The following SUGCT variants were observed in gnomAD, a reference collection of about 807,000 sequenced individuals.
SUGCT encodes the protein succinyl-CoA:glutarate CoA-transferase.
A neutral mutation model predicts 55.0 loss-of-function variants in SUGCT; 41 were observed. That is an observed-to-expected ratio of 0.74 (90% CI 0.58 to 0.97). The LOEUF is 0.97. Ranked by LOEUF, SUGCT falls within the 50% of genes least tolerant of loss-of-function variation. The probability of loss-of-function intolerance (pLI) is 0.00; values close to 1 mark genes in which losing one functional copy is unlikely to be tolerated. For synonymous variants in SUGCT, 187 were observed against 200.4 expected (o/e 0.93, Z 0.56); for missense variants, 568 against 547.8 (o/e 1.04, Z -0.37).
At chr7:41,017,914 T>C in the SUGCT span, among the ~76,000 whole-genome samples, 1 of 151,744 alleles carries the variant, frequency 6.6e-6, no homozygotes, top group African/African-American at 2.4e-5. Context: ...CCACCCAGAA[T>C]TGCATTAATT....
intron 8 of SUGCT, among the ~76,000 whole-genome samples, chr7:40,283,385 T>C (rs956994063): frequency 5.9e-5 from 9 of 152,042 alleles, no homozygotes; most frequent in African/African-American, 1.9e-4. Context: ...CGGGCCACCA[T>C]GCCCAGCTAA....
At chr7:40,289,237 AAG>A (rs1207642550) in intron 8 of SUGCT, among the ~76,000 whole-genome samples, 1 of 152,152 alleles carries the variant, frequency 6.6e-6, no homozygotes, top group Non-Finnish European at 1.5e-5. Flanking sequence ...AGGTTCTTGT[AAG>A]AGAGAGGCGA....
At chr7:40,167,826 A>C (rs1408415120) in intron 1 of SUGCT, among the ~76,000 whole-genome samples, 1 of 152,180 alleles carries the variant, frequency 6.6e-6, no homozygotes, top group Non-Finnish European at 1.5e-5. Flanking sequence ...CGACAGCAGC[A>C]AACAGCAGTG....
At chr7:40,538,339 G>A (rs2151611119) in intron 12 of SUGCT, 1 of 152,254 alleles carries the variant, frequency 6.6e-6, no homozygotes, top group East Asian at 1.9e-4. Flanking sequence ...GATTGTCACT[G>A]AATAGGAAAT....
At chr7:40,750,266 A>T (rs1787943411) in intron 13 of SUGCT, among the ~76,000 whole-genome samples, 1 of 152,242 alleles carries the variant, frequency 6.6e-6, no homozygotes. Flanking sequence ...TATTCCAGGC[A>T]TCGCTGGAAA....
chr7:40,614,939 C>A (rs550128572), intron 12 of SUGCT, among the ~76,000 whole-genome samples: 33 of 151,820 alleles, frequency 2.2e-4, no homozygotes, highest in African/African-American at 8.0e-4. Context: ...GCCTATAATC[C>A]CAGTTACTTG....
chr7:40,578,304 C>A (rs567372345), intron 12 of SUGCT, among the ~76,000 whole-genome samples: 1 of 152,296 alleles, frequency 6.6e-6, no homozygotes, highest in Non-Finnish European at 1.5e-5. Flanking sequence ...CTTTGTCTAA[C>A]ACACTTGGCA....
chr7:40,502,226 A>G (rs181484640), intron 12 of SUGCT, among the ~76,000 whole-genome samples: 374 of 152,218 alleles, frequency 2.5e-3, no homozygotes, highest in African/African-American at 8.5e-3. Flanking sequence ...ATAATATTTC[A>G]GAGTGGAAAT....
chr7:40,241,170 G>A (rs1015730739), intron 7 of SUGCT, among the ~76,000 whole-genome samples: 5 of 152,056 alleles, frequency 3.3e-5, no homozygotes, highest in East Asian at 1.9e-4. Flanking sequence ...TCTTGAAATC[G>A]AGTGATATTC....
chr7:40,401,607 C>T (rs746502218), intron 9 of SUGCT, among the ~76,000 whole-genome samples: 56 of 152,208 alleles, frequency 3.7e-4, no homozygotes, highest in Admixed American at 1.0e-3. Flanking sequence ...ACTTTGCAGT[C>T]TGGGAACTGA....
chr7:40,136,948 T>C (rs1584138160), intron 1 of SUGCT, among the ~76,000 whole-genome samples: 1 of 151,996 alleles, frequency 6.6e-6, no homozygotes, highest in African/African-American at 2.4e-5. Flanking sequence ...TGATCCGCTA[T>C]TGTGCCACTG....
chr7:40,871,523 C>A, the SUGCT span, among the ~76,000 whole-genome samples: 1 of 152,158 alleles, frequency 6.6e-6, no homozygotes, highest in Non-Finnish European at 1.5e-5. Context: ...GAACCTTGAC[C>A]AAATTTCTGA....
intron 12 of SUGCT, among the ~76,000 whole-genome samples, chr7:40,533,986 G>A (rs960610850): frequency 2.0e-5 from 3 of 152,072 alleles, no homozygotes; most frequent in Admixed American, 6.5e-5. Context: ...ACATCCAAAA[G>A]ACATATGTGA....
chr7:41,034,462 A>G, the SUGCT span, among the ~76,000 whole-genome samples: 1 of 152,298 alleles, frequency 6.6e-6, no homozygotes, highest in African/African-American at 2.4e-5. Flanking sequence ...ACCATGGAGC[A>G]TTTGGACCCA....
At chr7:40,617,829 G>GT (rs1420799362) in intron 12 of SUGCT, among the ~76,000 whole-genome samples, 1 of 151,940 alleles carries the variant, frequency 6.6e-6, no homozygotes, top group Non-Finnish European at 1.5e-5. Flanking sequence ...TAAAGAGATT[G>GT]TTTTTTCTTA....
In SUGCT at chr7:40,360,701, G is replaced by A. The variant is rs147410014; in HGVS notation, c.816+43846G>A. 5.3e-5 allele frequency among the ~76,000 whole-genome samples: 8 copies of A among 152,306 alleles called. No homozygotes were observed. In the East Asian group the frequency reaches 1.4e-3, roughly 26 times the overall value. On this transcript the variant is annotated intron_variant, in intron 9 of 13. Transcript: ENST00000335693. ...AGGCAGAGATGAAGGGATTGGACTA[G>A]CATGAGAGGGAGCAGTGAATATAAC...
intron 12 of SUGCT, among the ~76,000 whole-genome samples, chr7:40,651,791 A>G (rs1800795392): frequency 6.6e-6 from 1 of 152,020 alleles, no homozygotes; most frequent in Non-Finnish European, 1.5e-5. Flanking sequence ...TTTGTATTCT[A>G]AGGAAACTTC....
intron 9 of SUGCT, among the ~76,000 whole-genome samples, chr7:40,321,223 A>C (rs1000044493): frequency 1.3e-4 from 19 of 149,570 alleles, no homozygotes; most frequent in Admixed American, 2.7e-4. Flanking sequence ...TTACAGGCAA[A>C]CGCCATCACG....
chr7:40,865,879 A>C, the SUGCT span, among the ~76,000 whole-genome samples: 48 of 152,154 alleles, frequency 3.2e-4, no homozygotes, highest in Non-Finnish European at 6.6e-4. Context: ...TTCCATTCTC[A>C]TGTTCCCTTT....
Sources: allele counts gnomAD v4.1 joint callset (sites outside exome capture counted in the v4.1 genomes callset), GRCh38; gene constraint gnomAD v4.1.1; transcripts MANE v1.5; gene names NCBI Gene and HGNC (gene_info 2026-07-23, HGNC 2026-07-21).